The following ALMS1 variants were observed in gnomAD, a reference collection of about 807,000 sequenced individuals.
ALMS1 encodes centrosome-associated protein ALMS1.
Under a neutral mutation model 352.2 loss-of-function variants are expected in ALMS1, and 271 were observed. That is an observed-to-expected ratio of 0.77 (90% CI 0.70 to 0.85). The LOEUF (loss-of-function observed/expected upper bound fraction) is 0.85. Ranked by LOEUF, ALMS1 falls within the 40% of genes least tolerant of loss-of-function variation. The pLI is 0.00. For missense variants in ALMS1, 5,445 were observed against 4,870.7 expected, an observed-to-expected ratio of 1.12 and a Z score of -3.51; for synonymous variants, 1,865 against 1,761.2, an observed-to-expected ratio of 1.06 and a Z score of -1.48.
chr2:73,566,340 C>G (rs1674800165), intron 15 of ALMS1, among the ~76,000 whole-genome samples: 1 of 152,156 alleles, frequency 6.6e-6, no homozygotes, highest in African/African-American at 2.4e-5. Context: ...TACTTGAACA[C>G]AGGCACTGCA....
chr2:73,527,094 C>T, intron 11 of ALMS1, among the ~76,000 whole-genome samples: 1 of 152,196 alleles, frequency 6.6e-6, no homozygotes, highest in Non-Finnish European at 1.5e-5. Context: ...TATGTTAAAC[C>T]ATCCTTGCAT....
rs780513673 is a variant in ALMS1, at chr2:73,451,645, A to G, written c.5118A>G (p.Ser1706=). ...ATGCCCAGAAGACTGAGACACCATC[A>G]GTATCCTCTAGTTTATACTCATATA... ...GPDAQKTETP[S]VSSSLYSYRE... The change falls in exon 8 of 23, where the codon TCA becomes TCG. Residue 1706 remains serine, a synonymous_variant. Coordinates refer to ENST00000613296, the MANE Select transcript of ALMS1 (RefSeq NM_001378454.1). 18 of 1,613,896 alleles carry G rather than the reference A, an allele frequency of 1.1e-5. No homozygotes were observed. Among genetic ancestry groups the G allele is most frequent in the Non-Finnish European group, 1.4e-5 (16 of 1,179,978 alleles).
chr2:73,419,401 T>G (rs1268978112), intron 3 of ALMS1, 83 bp downstream of exon 3: 2 of 1,380,814 alleles, frequency 1.4e-6, no homozygotes, highest in Non-Finnish European at 2.1e-6. Context: ...ACTTTCCCCT[T>G]TTTGAGTTAA....
intron 7 of ALMS1, among the ~76,000 whole-genome samples, chr2:73,433,470 C>T (rs1317309189): frequency 6.6e-6 from 1 of 152,072 alleles, no homozygotes; most frequent in Admixed American, 6.6e-5. Flanking sequence ...TTACTGAGAG[C>T]ACTAGAAGAA....
At chr2:73,410,977 A>G (rs561336325) in intron 2 of ALMS1, among the ~76,000 whole-genome samples, 1 of 152,168 alleles carries the variant, frequency 6.6e-6, no homozygotes, top group African/African-American at 2.4e-5. Flanking sequence ...ACAATCCCTG[A>G]CCATAAAAAA....
In ALMS1 at chr2:73,453,060, T is replaced by A; in HGVS notation, c.6533T>A (p.Ile2178Asn). 1.2e-6 allele frequency: 2 copies of A among 1,613,938 alleles called. No homozygotes were observed. Among genetic ancestry groups the A allele is most frequent in the Non-Finnish European group, 1.7e-6 (2 of 1,179,998 alleles). ...AGTGCTCTTGGGCAAGCTGATCAAATTACCGGATTACAAACAGTTCCCTCT... is the reference window on the plus strand; with the variant it reads ...AGTGCTCTTGGGCAAGCTGATCAAAATACCGGATTACAAACAGTTCCCTCT... ...ISSALGQADQ[I>N]TGLQTVPSGT... is the part of the protein sequence containing the mutation. Residue 2178 changes from isoleucine to asparagine, a missense_variant, in exon 8 of 23, where the codon ATT (isoleucine) becomes AAT (asparagine). Transcript: ENST00000613296.
Position 73,482,693 on chromosome 2 carries a change from T to G in ALMS1, c.7675-6941T>G, listed in dbSNP as rs368100671. 1.6e-3 allele frequency among the ~76,000 whole-genome samples: 241 copies of G among 152,272 alleles called. 3 individuals are homozygous for G. The highest frequency in any genetic ancestry group is 0.01 in the South Asian group (49 of 4,816). On this transcript the variant is annotated intron_variant, in intron 9 of 22. Coordinates refer to ENST00000613296, the MANE Select transcript of ALMS1 (RefSeq NM_001378454.1). ...TGTACCTCTGGTAGAATTCGGCTGT[T>G]AATCCATCTGGTCCTGGACTCTTTT...
chr2:73,455,399 T>TAA, intron 9 of ALMS1, 104 bp downstream of exon 9: 1 of 1,486,698 alleles, frequency 6.7e-7, no homozygotes, highest in East Asian at 2.4e-5. Context: ...AATATTTGGC[T>TAA]AAAGCCTTTT....
intron 13 of ALMS1, among the ~76,000 whole-genome samples, chr2:73,551,935 C>A (rs1674445530): frequency 1.3e-5 from 2 of 152,134 alleles, no homozygotes; most frequent in Admixed American, 1.3e-4. Context: ...GATCCCAGGG[C>A]AGTTTTTAAA....
intron 13 of ALMS1, among the ~76,000 whole-genome samples, chr2:73,554,365 G>C (rs1477902897): frequency 6.6e-6 from 1 of 151,960 alleles, no homozygotes; most frequent in Non-Finnish European, 1.5e-5. Flanking sequence ...ACAGGAATGT[G>C]TAGGTAAATT....
At chr2:73,480,511 T>C (rs1415432244) in intron 9 of ALMS1, among the ~76,000 whole-genome samples, 1 of 152,176 alleles carries the variant, frequency 6.6e-6, no homozygotes, top group Non-Finnish European at 1.5e-5. Flanking sequence ...GTCTTTGCTA[T>C]TGTGAATAAT....
At chr2:73,424,384 G>A (rs1048517778) in intron 4 of ALMS1, 46 bp from the exon 5 acceptor site, 2 of 1,247,482 alleles carry the variant, frequency 1.6e-6, no homozygotes, top group Non-Finnish European at 2.2e-6. Context: ...AAAATTAAAT[G>A]TTTTTAATGT....
chr2:73,418,784 T>C (rs893671127), intron 2 of ALMS1, among the ~76,000 whole-genome samples: 30 of 152,348 alleles, frequency 2.0e-4, no homozygotes, highest in Middle Eastern at 3.4e-3. Flanking sequence ...TGCCATAATA[T>C]ACAAACTTCT....
At chr2:73,598,807 T>C (rs1675607577) in intron 16 of ALMS1, among the ~76,000 whole-genome samples, 2 of 152,226 alleles carry the variant, frequency 1.3e-5, no homozygotes, top group Admixed American at 1.3e-4. Context: ...GTTAATCATT[T>C]TGTCATCCAC....
At chr2:73,581,090 C>A (rs1257177371) in intron 16 of ALMS1, among the ~76,000 whole-genome samples, 3 of 152,164 alleles carry the variant, frequency 2.0e-5, no homozygotes, top group Non-Finnish European at 4.4e-5. Flanking sequence ...TGTGCATGCA[C>A]TTTCTAGTTT....
rs751613156 is a variant in ALMS1 at position 73,491,326 on chromosome 2, C to T, written c.9367C>T (p.Leu3123=). Residue 3123 remains leucine, a synonymous_variant, in exon 10 of 23, where the codon CTG becomes TTG. Coordinates refer to ENST00000613296, the MANE Select transcript of ALMS1 (RefSeq NM_001378454.1). ...SLGFLGPKSS[L]DFQVVQPSLP... is the part of the protein sequence containing the mutation. ...AGGTTTTCTAGGACCTAAATCTTCACTGGATTTCCAAGTCGTACAGCCTTC... is the reference window on the plus strand; with the variant it reads ...AGGTTTTCTAGGACCTAAATCTTCATTGGATTTCCAAGTCGTACAGCCTTC... The T allele has an allele frequency of 1.2e-6, 2 of 1,614,182 alleles. No homozygotes were observed. Among genetic ancestry groups the T allele is most frequent in the South Asian group, 2.2e-5 (2 of 91,086 alleles).
chr2:73,408,687 T>G lies in ALMS1; in HGVS notation c.390T>G (p.Ile130Met), dbSNP rs1421711597. 1 of 1,613,660 alleles carries G rather than the reference T, an allele frequency of 6.2e-7. No individual in the cohort carries two copies. Among genetic ancestry groups the G allele is most frequent in the Non-Finnish European group, 8.5e-7 (1 of 1,179,810 alleles). The change falls in exon 2 of 23, where the codon ATT (isoleucine) becomes ATG (methionine). Residue 130 changes from isoleucine (I) to methionine (M), a missense_variant. Physicochemically the swap from Ile to Met is conservative, Grantham distance 10. Transcript: ENST00000613296. The stretch of plus-strand genomic sequence containing the variant: ...ATCAAGGCAATAGTAGAACACAAAT[T>G]TCTGATACTAATGTGGTCTGTTTGG... ...IVYQGNSRTQ[I>M]SDTNVVCLET...
intron 9 of ALMS1, among the ~76,000 whole-genome samples, chr2:73,474,397 G>GTC (rs1435955838): frequency 1.5e-5 from 1 of 67,310 alleles, no homozygotes; most frequent in Non-Finnish European, 3.3e-5. Flanking sequence ...GTGTGTGTGT[G>GTC]TGTGTGTGTG....
intron 10 of ALMS1, among the ~76,000 whole-genome samples, chr2:73,509,359 TTTATTA>T (rs531334979): frequency 6.6e-6 from 1 of 151,872 alleles, no homozygotes; most frequent in South Asian, 2.1e-4. Context: ...GTCTTTACAT[TTTATTA>T]TTATTATTAT....
Sources: gnomAD v4.1 joint callset for allele counts (sites outside exome capture counted in the v4.1 genomes callset) on GRCh38, gnomAD v4.1.1 for gene constraint, MANE v1.5 for transcripts, NCBI Gene and HGNC (gene_info 2026-07-23, HGNC 2026-07-21) for gene names.